Variants in CA4 observed in about 807,000 individuals in gnomAD.
The protein encoded by CA4 is CA-IV.
A neutral mutation model predicts 34.5 loss-of-function variants in CA4; 24 were observed. The observed-to-expected ratio is 0.70, with a 90% CI of 0.50 to 0.98. CA4 has a LOEUF of 0.98. Among genes scored for constraint, CA4 ranks in the 50% least tolerant of loss-of-function variants. The pLI, the probability that CA4 is intolerant of heterozygous loss-of-function variation, is 0.00. For missense variants in CA4, 394 were observed against 396.7 expected (o/e 0.99, Z 0.06); for synonymous variants, 178 against 170.6 (o/e 1.04, Z -0.34).
rs2083658511 is a variant in CA4, at chr17:60,155,338, A to G, written c.83A>G (p.Gln28Arg). Residue 28 changes from glutamine to arginine, a missense_variant, in exon 2 of 8, where the codon CAA becomes CGA. Coordinates refer to ENST00000300900, the MANE Select transcript of CA4 (RefSeq NM_000717.5). ...SAESHWCYEV[Q>R]AESSNYPCLV... ...GAGTCACACTGGTGCTACGAGGTTC[A>G]AGCCGAGTCCTCCAACTACCCCTGC... 2 of 1,611,534 alleles carry G rather than the reference A, an allele frequency of 1.2e-6. No homozygotes were observed. Among genetic ancestry groups the G allele is most frequent in the Non-Finnish European group, 1.7e-6 (2 of 1,178,944 alleles).
At chr17:60,155,520 C>T (rs2083663649) in intron 2 of CA4, among the ~76,000 whole-genome samples, 153 bp downstream of exon 2, 1 of 136,666 alleles carries the variant, frequency 7.3e-6, no homozygotes, top group Admixed American at 6.8e-5. Context: ...CACACACACA[C>T]ACACTCTCTC....
chr17:60,157,307 C>A, intron 3 of CA4, 120 bp from the exon 4 acceptor site: 1 of 732,374 alleles, frequency 1.4e-6, no homozygotes, highest in Non-Finnish European at 2.2e-6. Flanking sequence ...CAGGCCAGAA[C>A]CAGAGCTCAT....
downstream of CA4, among the ~76,000 whole-genome samples, chr17:60,163,654 A>C (rs1197111806): frequency 6.6e-6 from 1 of 152,202 alleles, no homozygotes; most frequent in African/African-American, 2.4e-5. Context: ...CCTTTGGAGA[A>C]GAGCTGCGGG....
chr17:60,157,755 A>C lies in CA4; in HGVS notation c.480A>C (p.Glu160Asp), dbSNP rs766646182. Residue 160 changes from glutamate to aspartate, a missense_variant, in exon 5 of 8, where the codon GAA becomes GAC. Physicochemically the swap from Glu to Asp is conservative, Grantham distance 45 (BLOSUM62 2). Transcript: ENST00000300900. Reference protein sequence around the residue: ...SRNVKEAQDPEDEIAVLAFLV... With the variant: ...SRNVKEAQDPDDEIAVLAFLV... ...ATGTGAAAGAGGCCCAGGACCCTGAAGACGAAATTGCGGTGCTGGCCTTTC... is the reference window on the plus strand; with the variant it reads ...ATGTGAAAGAGGCCCAGGACCCTGACGACGAAATTGCGGTGCTGGCCTTTC... 49 of 1,613,994 alleles carry C rather than the reference A, an allele frequency of 3.0e-5. No individual in the cohort carries two copies. The highest frequency in any genetic ancestry group is 4.2e-5 in the Non-Finnish European group (49 of 1,179,930).
rs144807989 is a variant in CA4 at position 60,155,633 on chromosome 17, C to T, written c.112+266C>T. Reference sequence around the variant, plus strand: ...AAGCACACACTCAAACACTCACACTCACACATGCACACACACACTCACACT... The same window carrying T: ...AAGCACACACTCAAACACTCACACTTACACATGCACACACACACTCACACT... On this transcript the variant is annotated intron_variant, in intron 2 of 7. Coordinates refer to ENST00000300900, the MANE Select transcript of CA4 (RefSeq NM_000717.5). 4.2e-4 allele frequency among the ~76,000 whole-genome samples: 63 copies of T among 151,660 alleles called. 1 individual carries two copies. In the East Asian group the frequency reaches 0.012, roughly 29 times the overall value.
In CA4 at chr17:60,157,545, C is replaced by T. The variant is rs745993113; in HGVS notation, c.387C>T (p.Ser129=). The change falls in exon 4 of 8, where the codon AGC becomes AGT. Residue 129 remains serine (S), a synonymous_variant. Coordinates refer to ENST00000300900, the MANE Select transcript of CA4 (RefSeq NM_000717.5). ...SDLPYKGSEH[S]LDGEHFAMEM... is the part of the protein sequence containing the mutation. ...TGCCATATAAGGGCTCGGAGCACAG[C>T]CTCGATGGGGAGCACTTTGCCATGG... 6.2e-7 allele frequency: 1 copy of T among 1,614,214 alleles called. No individual in the cohort carries two copies.
downstream of CA4, among the ~76,000 whole-genome samples, chr17:60,161,908 C>T (rs1308084599): frequency 4.6e-5 from 7 of 152,036 alleles, no homozygotes; most frequent in South Asian, 2.1e-4. Context: ...CAGAATGGCC[C>T]CTCCCAGCTC....
chr17:60,160,899 G>A (rs1160454721), downstream of CA4, among the ~76,000 whole-genome samples: 1 of 145,728 alleles, frequency 6.9e-6, no homozygotes, highest in Non-Finnish European at 1.5e-5. Flanking sequence ...AAACAGCAGG[G>A]AGGAGTAGAG....
downstream of CA4, among the ~76,000 whole-genome samples, chr17:60,171,639 G>C (rs2083911393): frequency 6.6e-6 from 1 of 152,198 alleles, no homozygotes; most frequent in African/African-American, 2.4e-5. Flanking sequence ...AATGCTTAGA[G>C]GTGACAGGTG....
intron 5 of CA4, among the ~76,000 whole-genome samples, chr17:60,169,702 G>A (rs950695687): frequency 3.9e-5 from 6 of 152,122 alleles, no homozygotes; most frequent in African/African-American, 1.4e-4. Context: ...TGTTAGCCAG[G>A]ATGGTCTCAA....
chr17:60,164,643 G>A (rs771392567), intron 5 of CA4, among the ~76,000 whole-genome samples: 11 of 151,970 alleles, frequency 7.2e-5, no homozygotes, highest in African/African-American at 2.4e-4. Context: ...CACCTGCCTC[G>A]GCCTCCCAAA....
intron 5 of CA4, among the ~76,000 whole-genome samples, chr17:60,165,440 G>A (rs1322186919): frequency 6.6e-6 from 1 of 152,174 alleles, no homozygotes; most frequent in Non-Finnish European, 1.5e-5. Flanking sequence ...CTTATGTCCT[G>A]CCTTAGGGGG....
chr17:60,158,512 C>T, intron 7 of CA4, 66 bp downstream of exon 7: 1 of 1,522,202 alleles, frequency 6.6e-7, no homozygotes. Flanking sequence ...ATCCCTCTGT[C>T]TGCCCTCAGA....
At chr17:60,154,375 C>A (rs1279105340) in intron 1 of CA4, among the ~76,000 whole-genome samples, 1 of 152,150 alleles carries the variant, frequency 6.6e-6, no homozygotes, top group African/African-American at 2.4e-5. Flanking sequence ...ACAGATGATA[C>A]AACTGAGGCT....
intron 5 of CA4, among the ~76,000 whole-genome samples, chr17:60,169,636 G>T (rs2083894957): frequency 1.3e-5 from 2 of 152,112 alleles, no homozygotes; most frequent in African/African-American, 4.8e-5. Context: ...CTACGGGCAT[G>T]CGCCACCATG....
intron 5 of CA4, among the ~76,000 whole-genome samples, chr17:60,167,740 C>A (rs2083869633): frequency 6.6e-6 from 1 of 152,140 alleles, no homozygotes; most frequent in African/African-American, 2.4e-5. Context: ...TCTGGGTGTA[C>A]AAGGTGCTTG....
At chr17:60,174,980 G>C (rs1346744249), downstream of CA4, among the ~76,000 whole-genome samples, 1 of 152,120 alleles carries the variant, frequency 6.6e-6, no homozygotes, top group Non-Finnish European at 1.5e-5. Context: ...TCAACGCATA[G>C]GGCCATTCAG....
downstream of CA4, among the ~76,000 whole-genome samples, chr17:60,163,181 G>T (rs2083813004): frequency 6.6e-6 from 1 of 151,930 alleles, no homozygotes; most frequent in Non-Finnish European, 1.5e-5. Flanking sequence ...GGTCTACAGG[G>T]GGCCCAGAGT....
At chr17:60,153,141 C>T (rs1349469545) in intron 1 of CA4, among the ~76,000 whole-genome samples, 1 of 152,050 alleles carries the variant, frequency 6.6e-6, no homozygotes, top group African/African-American at 2.4e-5. Flanking sequence ...AGTTCGAGAC[C>T]AGCCTGGTCA....
Sources: allele counts gnomAD v4.1 joint callset (sites outside exome capture counted in the v4.1 genomes callset), GRCh38; gene constraint gnomAD v4.1.1; transcripts MANE v1.5; gene names NCBI Gene and HGNC (gene_info 2026-07-23, HGNC 2026-07-21).